MS4A14: variants seen among roughly 807,000 people sequenced by gnomAD.
MS4A14 encodes the protein membrane spanning 4-domains A14.
In MS4A14, 18 loss-of-function variants were observed where a neutral mutation model predicts 16.7. That is an observed-to-expected ratio of 1.08 (90% CI 0.75 to 1.60). MS4A14 has a LOEUF of 1.60. Among genes scored for constraint, MS4A14 ranks in the 40% most tolerant of loss-of-function variants. MS4A14 has a pLI of 0.00. For missense variants in MS4A14, 812 were observed against 775.3 expected (o/e 1.05, Z -0.56); for synonymous variants, 305 against 289.4 (o/e 1.05, Z -0.55).
At position 60,397,996 on chromosome 11, in the gene MS4A14, T is replaced by C. The variant is rs2085655206; in HGVS notation, c.267+16T>C. 1 of 1,611,794 alleles carries C rather than the reference T, an allele frequency of 6.2e-7. No individual in the cohort carries two copies. Among genetic ancestry groups the C allele is most frequent in the Non-Finnish European group, 8.5e-7 (1 of 1,178,654 alleles). ...AGCACTTATTGTGAGTACTGTCGATTAGAAGCTTTGGAGAAATTGCTATAA... is the reference window on the plus strand; with the variant it reads ...AGCACTTATTGTGAGTACTGTCGATCAGAAGCTTTGGAGAAATTGCTATAA... On this transcript the variant is annotated intron_variant, in intron 2 of 4. Transcript: ENST00000300187.
intron 4 of MS4A14, among the ~76,000 whole-genome samples, chr11:60,406,281 G>A (rs1681814390): frequency 6.6e-6 from 1 of 152,058 alleles, no homozygotes; most frequent in African/African-American, 2.4e-5. Context: ...GACTTAACAG[G>A]AACCCAAATT....
Position 60,416,081 on chromosome 11 carries a change from G to A in MS4A14, c.1113G>A (p.Leu371=), listed in dbSNP as rs757350678. ...AAGACACATCATCTCAAGATATGCT[G>A]TTTCATGACATGACATCCCAAGATA... The part of the protein sequence containing the change: ...LSQDTSSQDM[L]FHDMTSQDMQ... Residue 371 remains leucine, a synonymous_variant, in exon 5 of 5, where the codon CTG becomes CTA. Coordinates refer to ENST00000300187, the MANE Select transcript of MS4A14 (RefSeq NM_032597.5). The A allele has an allele frequency of 1.9e-5, 30 of 1,611,012 alleles. No individual in the cohort carries two copies. The highest frequency in any genetic ancestry group is 1.9e-4 in the Admixed American group (11 of 59,404).
rs892836260 is a variant in MS4A14, at chr11:60,402,903, A to G, written c.319-9A>G. The G allele has an allele frequency of 3.0e-5, 48 of 1,609,854 alleles. No individual in the cohort carries two copies. The highest frequency in any genetic ancestry group is 3.9e-5 in the Non-Finnish European group (46 of 1,178,474). ...TTATTTATTTTATCATTTTTAAACT[A>G]TCTTTCAGGGTCAAGGTGTCACGGG... On this transcript the variant is annotated splice_polypyrimidine_tract_variant and intron_variant, in intron 3 of 4. Transcript: ENST00000300187.
rs2085652502 is a variant in MS4A14, at chr11:60,397,892, G to C, written c.179G>C (p.Gly60Ala). 1.9e-6 allele frequency: 3 copies of C among 1,613,000 alleles called. No homozygotes were observed. The change falls in exon 2 of 5, where the codon GGA becomes GCA. Residue 60 changes from glycine (G) to alanine (A), a missense_variant. Physicochemically the swap from Gly to Ala is moderately conservative, Grantham distance 60 (BLOSUM62 0). Coordinates refer to ENST00000300187, the MANE Select transcript of MS4A14 (RefSeq NM_032597.5). ...CTTGCTCTAATCATTGTGGGCTTTG[G>C]AACTATATTTGCACTTAATTACATC... ...ILLALIIVGF[G>A]TIFALNYIGF... is the part of the protein sequence containing the mutation.
Position 60,402,978 on chromosome 11 carries a change from A to C in MS4A14, c.385A>C (p.Ile129Leu). The C allele has an allele frequency of 6.2e-7, 1 of 1,613,908 alleles. No homozygotes were observed. Among genetic ancestry groups the C allele is most frequent in the African/African-American group, 1.3e-5 (1 of 75,050 alleles). ...LVAITGITFT[I>L]LSYRHQDKYC... ...TGCGATAACTGGGATTACTTTCACC[A>C]TTCTCAGCTACAGACATCAAGACAA... Residue 129 changes from isoleucine to leucine, a missense_variant, in exon 4 of 5, where the codon ATT becomes CTT. Coordinates refer to ENST00000300187, the MANE Select transcript of MS4A14 (RefSeq NM_032597.5).
chr11:60,401,998 G>A lies in MS4A14; in HGVS notation c.319-914G>A, dbSNP rs79912872. On this transcript the variant is annotated intron_variant, in intron 3 of 4. Transcript: ENST00000300187. ...CATCATTGTATTTTCCACCACGGTA[G>A]TCATAACACAATCAATAAAGGTACA... 6.9e-4 allele frequency among the ~76,000 whole-genome samples: 105 copies of A among 152,304 alleles called. 1 individual carries two copies. In the East Asian group the frequency reaches 0.012, roughly 18 times the overall value.
chr11:60,401,785 C>G (rs1222720370), intron 3 of MS4A14, among the ~76,000 whole-genome samples: 1 of 152,098 alleles, frequency 6.6e-6, no homozygotes, highest in Non-Finnish European at 1.5e-5. Flanking sequence ...CAAAATAGAG[C>G]CTTGAGAAAA....
chr11:60,412,948 T>G (rs1270259595), intron 4 of MS4A14, among the ~76,000 whole-genome samples: 1 of 151,956 alleles, frequency 6.6e-6, no homozygotes, highest in African/African-American at 2.4e-5. Context: ...ATTTACTTCT[T>G]AGTAATATGT....
intron 3 of MS4A14, among the ~76,000 whole-genome samples, chr11:60,402,079 G>C (rs562546922): frequency 6.6e-6 from 1 of 152,060 alleles, no homozygotes; most frequent in African/African-American, 2.4e-5. Flanking sequence ...CTTTAAAAGA[G>C]TGATATCAGT....
At chr11:60,398,721 G>A (rs1299999292) in intron 2 of MS4A14, among the ~76,000 whole-genome samples, 2 of 152,100 alleles carry the variant, frequency 1.3e-5, no homozygotes, top group African/African-American at 2.4e-5. Context: ...AATAAATTAG[G>A]CCACTATCTC....
chr11:60,414,095 T>C (rs185788807), intron 4 of MS4A14, among the ~76,000 whole-genome samples: 546 of 152,252 alleles, frequency 3.6e-3, no homozygotes, highest in African/African-American at 0.013. Context: ...CATCTGGTAA[T>C]CACTGAGTTC....
intron 1 of MS4A14, 37 bp from the exon 2 acceptor site, chr11:60,397,815 T>C: frequency 1.2e-6 from 2 of 1,605,826 alleles, no homozygotes; most frequent in African/African-American, 1.3e-5. Flanking sequence ...GGGTCTTGGA[T>C]ACTTGTAACC....
chr11:60,398,705 ATAAT>A (rs993971595), intron 2 of MS4A14, among the ~76,000 whole-genome samples: 48 of 152,326 alleles, frequency 3.2e-4, no homozygotes, highest in African/African-American at 1.1e-3. Flanking sequence ...AATAGGTGAA[ATAAT>A]TAATAAATTA....
At chr11:60,401,587 C>T (rs538022518) in intron 3 of MS4A14, among the ~76,000 whole-genome samples, 3 of 152,278 alleles carry the variant, frequency 2.0e-5, no homozygotes, top group African/African-American at 7.2e-5. Flanking sequence ...AAAGTGATTG[C>T]TCACAGTCAC....
chr11:60,396,667 C>T lies in MS4A14; in HGVS notation c.89C>T (p.Pro30Leu). The T allele has an allele frequency of 1.9e-6, 3 of 1,613,986 alleles. No homozygotes were observed. The highest frequency in any genetic ancestry group is 2.5e-6 in the Non-Finnish European group (3 of 1,179,954). The change falls in exon 1 of 5, where the codon CCT (proline) becomes CTT (leucine). Residue 30 changes from proline to leucine, a missense_variant. Coordinates refer to ENST00000300187, the MANE Select transcript of MS4A14 (RefSeq NM_032597.5). ...GTATTGACTGCATTTCCCTACAGAC[C>T]TCATAGCTCTCTGCTGGATTTTCTG... is the stretch of plus-strand genomic sequence containing the variant. Reference protein sequence around the residue: ...ETVLTAFPYRPHSSLLDFLKG... With the variant: ...ETVLTAFPYRLHSSLLDFLKG...
Position 60,415,573 on chromosome 11 carries a change from T to C in MS4A14, c.605T>C (p.Phe202Ser), listed in dbSNP as rs1206481821. 1.2e-6 allele frequency: 2 copies of C among 1,613,834 alleles called. No homozygotes were observed. The highest frequency in any genetic ancestry group is 2.2e-5 in the East Asian group (1 of 44,862). ...ACAACAAATGCACAATCTGTTATCT[T>C]TGGAGGCTATGCTTTCTTCAAGTTA... The part of the protein sequence containing the change: ...DSTTNAQSVI[F>S]GGYAFFKLTL... Residue 202 changes from phenylalanine to serine, a missense_variant, in exon 5 of 5, where the codon TTT becomes TCT. Phe to Ser is a radical substitution (Grantham distance 155, BLOSUM62 -2). Coordinates refer to ENST00000300187, the MANE Select transcript of MS4A14 (RefSeq NM_032597.5).
At chr11:60,398,428 T>G (rs1305917411) in intron 2 of MS4A14, among the ~76,000 whole-genome samples, 2 of 152,190 alleles carry the variant, frequency 1.3e-5, no homozygotes, top group Admixed American at 6.5e-5. Context: ...ACTTTATGAG[T>G]GGCACTCATC....
chr11:60,406,664 C>T (rs2085790580), intron 4 of MS4A14, among the ~76,000 whole-genome samples: 1 of 152,168 alleles, frequency 6.6e-6, no homozygotes, highest in African/African-American at 2.4e-5. Flanking sequence ...TCATTTCTCT[C>T]TCTAGCTCTC....
rs756679834 is a variant in MS4A14, at chr11:60,413,678, C to G, written c.469-1759C>G. On this transcript the variant is annotated intron_variant, in intron 4 of 4. Coordinates refer to ENST00000300187, the MANE Select transcript of MS4A14 (RefSeq NM_032597.5). ...ATTTAGTGAATACAGATCTTTAATCCACTAATGGCACAGTAATGTGCAAAG... is the reference window on the plus strand; with the variant it reads ...ATTTAGTGAATACAGATCTTTAATCGACTAATGGCACAGTAATGTGCAAAG... Among the ~76,000 whole-genome samples, 19 of 151,954 alleles carry G rather than the reference C, an allele frequency of 1.3e-4. 1 individual carries two copies. The highest frequency in any genetic ancestry group is 2.2e-4 in the Non-Finnish European group (15 of 67,910).
Sources: gnomAD v4.1 joint callset for allele counts (sites outside exome capture counted in the v4.1 genomes callset) on GRCh38, gnomAD v4.1.1 for gene constraint, MANE v1.5 for transcripts, NCBI Gene and HGNC (gene_info 2026-07-23, HGNC 2026-07-21) for gene names.